The following AKAP13 variants were observed in gnomAD, a reference collection of about 807,000 sequenced individuals.
AKAP13 encodes the protein A-kinase anchoring protein 13, also known as A-kinase anchor protein 13.
A neutral mutation model predicts 264.5 loss-of-function variants in AKAP13; 80 were observed. That is an observed-to-expected ratio of 0.30 (90% CI 0.25 to 0.36). The LOEUF (loss-of-function observed/expected upper bound fraction) is 0.36. Among genes scored for constraint, AKAP13 ranks in the 10% least tolerant of loss-of-function variants. The pLI, the probability that AKAP13 is intolerant of heterozygous loss-of-function variation, is 1.00. For missense variants in AKAP13, 3,712 were observed against 3,435.2 expected (o/e 1.08, Z -2.01); for synonymous variants, 1,380 against 1,250.2 (o/e 1.10, Z -2.19).
intron 8 of AKAP13, chr15:85,627,474 A>G (rs149688237): frequency 6.6e-6 from 1 of 152,368 alleles, no homozygotes; most frequent in African/African-American, 2.4e-5. Context: ...TGTGTCTCAG[A>G]TACTGTGTGT....
chr15:85,562,029 G>A (rs1227970962), intron 5 of AKAP13, among the ~76,000 whole-genome samples: 2 of 152,184 alleles, frequency 1.3e-5, no homozygotes, highest in African/African-American at 4.8e-5. Flanking sequence ...TTACTTAGTA[G>A]CTGTTAGGCA....
intron 35 of AKAP13, 29 bp from the exon 36 acceptor site, chr15:85,743,463 G>C: frequency 6.3e-7 from 1 of 1,598,824 alleles, no homozygotes; most frequent in Non-Finnish European, 8.5e-7. Context: ...CAGCCTCCAA[G>C]TGAAAACCCT....
At chr15:85,683,261 T>C (rs1236130014) in intron 15 of AKAP13, among the ~76,000 whole-genome samples, 1 of 152,208 alleles carries the variant, frequency 6.6e-6, no homozygotes, top group Non-Finnish European at 1.5e-5. Flanking sequence ...TTGTAAACAA[T>C]GCATATATAA....
chr15:85,440,325 T>G (rs2150952800), intron 1 of AKAP13, among the ~76,000 whole-genome samples: 1 of 152,332 alleles, frequency 6.6e-6, no homozygotes, highest in South Asian at 2.1e-4. Context: ...TATTTCTGTT[T>G]TATAGATGAA....
chr15:85,624,880 A>G (rs903022475), intron 8 of AKAP13, among the ~76,000 whole-genome samples: 2 of 152,212 alleles, frequency 1.3e-5, no homozygotes, highest in African/African-American at 4.8e-5. Context: ...CATAGGCTTC[A>G]TGTCAGAAAT....
intron 5 of AKAP13, among the ~76,000 whole-genome samples, chr15:85,565,102 C>T (rs1327122295): frequency 6.6e-6 from 1 of 152,116 alleles, no homozygotes; most frequent in Non-Finnish European, 1.5e-5. Context: ...GTTTTGAAAT[C>T]GGGTTGAATG....
chr15:85,440,125 A>G (rs1319819466), intron 1 of AKAP13, among the ~76,000 whole-genome samples: 1 of 152,128 alleles, frequency 6.6e-6, no homozygotes, highest in African/African-American at 2.4e-5. Flanking sequence ...TTTAGCAATT[A>G]CTTTAGCTGA....
chr15:85,596,787 G>A (rs903416426), intron 8 of AKAP13, among the ~76,000 whole-genome samples: 5 of 152,128 alleles, frequency 3.3e-5, no homozygotes, highest in Admixed American at 6.5e-5. Flanking sequence ...GGTTAAATAC[G>A]TATTTGAAAG....
intron 1 of AKAP13, among the ~76,000 whole-genome samples, chr15:85,463,405 A>T (rs145393546): frequency 6.6e-6 from 1 of 152,168 alleles, no homozygotes; most frequent in Non-Finnish European, 1.5e-5. Context: ...CTTCTCCCCA[A>T]TGATCTGATT....
At chr15:85,690,913 A>T (rs574674151) in intron 16 of AKAP13, among the ~76,000 whole-genome samples, 11 of 152,220 alleles carry the variant, frequency 7.2e-5, no homozygotes, top group Non-Finnish European at 8.8e-5. Flanking sequence ...TAAAATGGAG[A>T]TAATACCTAG....
chr15:85,411,429 T>G (rs988903462), intron 1 of AKAP13, among the ~76,000 whole-genome samples: 15 of 152,112 alleles, frequency 9.9e-5, no homozygotes, highest in Admixed American at 2.6e-4. Flanking sequence ...TGATGGACAT[T>G]AAGGTGAACT....
intron 2 of AKAP13, among the ~76,000 whole-genome samples, chr15:85,487,444 A>G (rs1215079936): frequency 2.0e-5 from 3 of 152,196 alleles, no homozygotes; most frequent in Non-Finnish European, 2.9e-5. Flanking sequence ...TTCTATTCCT[A>G]GTTTGACTAT....
intron 2 of AKAP13, among the ~76,000 whole-genome samples, chr15:85,518,241 C>A (rs2076681968): frequency 6.6e-6 from 1 of 152,076 alleles, no homozygotes; most frequent in Non-Finnish European, 1.5e-5. Context: ...TTTTCATCAC[C>A]ATTCTACTCA....
chr15:85,504,908 AC>A (rs1305789501), intron 2 of AKAP13, among the ~76,000 whole-genome samples: 4 of 147,446 alleles, frequency 2.7e-5, no homozygotes, highest in African/African-American at 1.0e-4. Context: ...TCTCCCTCGC[AC>A]CCTCTCCCCC....
At position 85,693,376 on chromosome 15, in the gene AKAP13, A is replaced by T; in HGVS notation, c.5389A>T (p.Ile1797Phe). 6.2e-7 allele frequency: 1 copy of T among 1,614,044 alleles called. No individual in the cohort carries two copies. Among genetic ancestry groups the T allele is most frequent in the East Asian group, 2.2e-5 (1 of 44,882 alleles). Residue 1797 changes from isoleucine (I) to phenylalanine (F), a missense_variant, in exon 17 of 37, where the codon ATT (isoleucine) becomes TTT (phenylalanine). Ile to Phe is a conservative substitution (Grantham distance 21, BLOSUM62 0). This residue lies in a region of AKAP13 where 2,759 missense variants were observed against 2,411.7 expected (regional missense o/e 1.14). Coordinates refer to ENST00000394518, the MANE Select transcript of AKAP13 (RefSeq NM_007200.5). ...TGTCAACGGGCACACTTTCAGTTCCATTCCTGTTGTGGGTCCCATCAGCTG... is the reference window on the plus strand; with the variant it reads ...TGTCAACGGGCACACTTTCAGTTCCTTTCCTGTTGTGGGTCCCATCAGCTG... ...KTVNGHTFSSIPVVGPISCSQ... is the reference protein window; with the variant it reads ...KTVNGHTFSSFPVVGPISCSQ...
At chr15:85,660,438 C>T (rs1323968621) in intron 12 of AKAP13, among the ~76,000 whole-genome samples, 2 of 149,416 alleles carry the variant, frequency 1.3e-5, no homozygotes, top group Admixed American at 6.7e-5. Context: ...TGTTAAATCT[C>T]CTCACAGTCT....
chr15:85,718,610 G>A lies in AKAP13; in HGVS notation c.6001+451G>A, dbSNP rs1174418240. Among the ~76,000 whole-genome samples the A allele has an allele frequency of 1.3e-5, 2 of 152,120 alleles. No individual in the cohort carries two copies. Among genetic ancestry groups the A allele is most frequent in the Non-Finnish European group, 2.9e-5 (2 of 68,028 alleles). On this transcript the variant is annotated intron_variant, in intron 22 of 36. Coordinates refer to ENST00000394518, the MANE Select transcript of AKAP13 (RefSeq NM_007200.5). The surrounding 1 kb of genome is among the most constrained non-coding windows in gnomAD (Gnocchi z 4.9). ...CACGTGAAAAATAGAGGAATAAGAC[G>A]AAAACACTTGACCAGGCTCAGCGGC...
chr15:85,440,893 C>G (rs2073617147), intron 1 of AKAP13, among the ~76,000 whole-genome samples: 1 of 152,084 alleles, frequency 6.6e-6, no homozygotes, highest in South Asian at 2.1e-4. Context: ...TCTGCAGTGG[C>G]TTAAATAGTG....
chr15:85,450,294 T>TC (rs2074037685), intron 1 of AKAP13, among the ~76,000 whole-genome samples: 1 of 152,184 alleles, frequency 6.6e-6, no homozygotes, highest in Non-Finnish European at 1.5e-5. Flanking sequence ...TGTGTTTATT[T>TC]GGATCTTCTC....
Sources: allele counts gnomAD v4.1 joint callset (sites outside exome capture counted in the v4.1 genomes callset), GRCh38; gene constraint gnomAD v4.1.1; regional missense constraint gnomAD v4.1.1; non-coding constraint Gnocchi (gnomAD v3.1); transcripts MANE v1.5; gene names NCBI Gene and HGNC (gene_info 2026-07-23, HGNC 2026-07-21).